The following SETD5 variants were observed in gnomAD, a reference collection of about 807,000 sequenced individuals.
SETD5 encodes SET domain containing 5, also known as histone-lysine N-methyltransferase SETD5.
SETD5 carries 44 observed loss-of-function variants against 153.3 expected under a neutral mutation model. The observed-to-expected ratio is 0.29, with a 90% CI of 0.23 to 0.37. The LOEUF is 0.37. SETD5 is among the 10% of genes least tolerant of loss of function. SETD5 has a pLI of 1.00. For synonymous variants in SETD5, 716 were observed against 645.2 expected, an observed-to-expected ratio of 1.11 and a Z score of -1.66; for missense variants, 1,544 against 1,768.0, an observed-to-expected ratio of 0.87 and a Z score of 2.27.
rs753928269 is a variant in SETD5 at position 9,470,944 on chromosome 3, T to A, written c.3195+15T>A. On this transcript the variant is annotated intron_variant, in intron 19 of 22. Coordinates refer to ENST00000402198, the MANE Select transcript of SETD5 (RefSeq NM_001080517.3). ...AGAGGAAAAAAGTAAGTGTTTCATGTTATATCGGCGAACTTTTCAAGAATG... is the reference window on the plus strand; with the variant it reads ...AGAGGAAAAAAGTAAGTGTTTCATGATATATCGGCGAACTTTTCAAGAATG... The A allele has an allele frequency of 7.1e-7, 1 of 1,408,816 alleles. No individual in the cohort carries two copies. Among genetic ancestry groups the A allele is most frequent in the Admixed American group, 2.3e-5 (1 of 44,182 alleles). 87.3% of individuals were successfully genotyped at this position (1,408,816 alleles called of 1,614,324 possible). A position where few individuals can be genotyped will look rare whatever the true frequency, so the allele number is the denominator to read the frequency against.
In SETD5 at chr3:9,435,350, TTC is replaced by T. The variant is rs554107655; in HGVS notation, c.389-373_389-372del. ...AAGTCCTCTCAAGACCACTGTATAG[TTC>T]TCTCATTGTAAACGAAATGTGTTGA... On this transcript the variant is annotated intron_variant, in intron 6 of 22. Transcript: ENST00000402198. Among the ~76,000 whole-genome samples, 571 of 152,274 alleles carry T rather than the reference TTC, an allele frequency of 3.7e-3. 7 individuals are homozygous for T. Among genetic ancestry groups the T allele is most frequent in the African/African-American group, 0.013 (542 of 41,544 alleles).
At chr3:9,447,575 A>G in intron 14 of SETD5, 111 bp from the exon 15 acceptor site, 2 of 1,253,952 alleles carry the variant, frequency 1.6e-6, no homozygotes, top group South Asian at 1.5e-5. Context: ...AGTGTTTCTA[A>G]TCCTTATATT....
chr3:9,418,905 C>T (rs2037959128), intron 1 of SETD5, among the ~76,000 whole-genome samples: 1 of 151,992 alleles, frequency 6.6e-6, no homozygotes, highest in Non-Finnish European at 1.5e-5. Context: ...TGGCTCACTG[C>T]AACCTCCACC....
At chr3:9,403,922 T>A (rs1233909243) in intron 1 of SETD5, among the ~76,000 whole-genome samples, 1 of 152,222 alleles carries the variant, frequency 6.6e-6, no homozygotes, top group African/African-American at 2.4e-5. Flanking sequence ...GTCAGTTCTT[T>A]TTTTAAAAAT....
intron 16 of SETD5, 123 bp from the exon 17 acceptor site, chr3:9,453,612 ATGCT>A (rs2042881068): frequency 1.2e-6 from 1 of 830,814 alleles, no homozygotes; most frequent in East Asian, 2.9e-5. Flanking sequence ...AGACAATAAA[ATGCT>A]TGACTGTGTA....
rs932157496 is a variant in SETD5 at position 9,447,817 on chromosome 3, A to G, written c.1914A>G (p.Ala638=). The G allele has an allele frequency of 3.7e-6, 6 of 1,613,932 alleles. No homozygotes were observed. The highest frequency in any genetic ancestry group is 5.1e-6 in the Non-Finnish European group (6 of 1,179,906). The part of the protein sequence containing the change: ...QRLKRQKQAN[A]QQAELSQAAL... ...TAAAGCGTCAGAAGCAGGCCAATGC[A>G]CAGCAGGCAGAATTGTCACAAGCTG... The change falls in exon 15 of 23, where the codon GCA becomes GCG. Residue 638 remains alanine, a synonymous_variant. Coordinates refer to ENST00000402198, the MANE Select transcript of SETD5 (RefSeq NM_001080517.3).
At chr3:9,436,672 G>T (rs1384524127) in intron 7 of SETD5, among the ~76,000 whole-genome samples, 1 of 152,264 alleles carries the variant, frequency 6.6e-6, no homozygotes, top group African/African-American at 2.4e-5. Context: ...GAGTTCATTG[G>T]CCTTGAGCTA....
intron 17 of SETD5, among the ~76,000 whole-genome samples, chr3:9,457,800 G>A (rs2043446084): frequency 6.8e-6 from 1 of 147,734 alleles, no homozygotes; most frequent in Non-Finnish European, 1.5e-5. Flanking sequence ...GTTCATTATG[G>A]AAAGAATATA....
In SETD5 at chr3:9,397,742, G is replaced by C. The variant is rs867316707; in HGVS notation, c.-412G>C. The C allele has an allele frequency of 1.8e-5, 3 of 169,046 alleles. No homozygotes were observed. Among genetic ancestry groups the C allele is most frequent in the Admixed American group, 1.3e-4 (2 of 15,384 alleles). 10.5% of individuals were successfully genotyped at this position (169,046 alleles called of 1,614,324 possible). On this transcript the variant is annotated 5_prime_UTR_variant, in exon 1 of 23. Transcript: ENST00000402198. ...GCGCTCAGAGACTCACGCAGCCCCA[G>C]TCCCGCCAGTCCGCCAACACAGTAG...
intron 16 of SETD5, among the ~76,000 whole-genome samples, chr3:9,452,324 TC>T: frequency 6.6e-6 from 1 of 152,234 alleles, no homozygotes; most frequent in East Asian, 1.9e-4. Flanking sequence ...GATTTTTCAC[TC>T]CTGAGCCTAA....
intron 1 of SETD5, among the ~76,000 whole-genome samples, chr3:9,409,468 C>T (rs897318067): frequency 6.6e-6 from 1 of 152,128 alleles, no homozygotes; most frequent in Non-Finnish European, 1.5e-5. Flanking sequence ...CTATTTTTGA[C>T]ATTCAGGTTG....
chr3:9,470,354 C>T, intron 18 of SETD5, 105 bp from the exon 19 acceptor site: 2 of 839,220 alleles, frequency 2.4e-6, no homozygotes, highest in Admixed American at 2.2e-5. Flanking sequence ...ACTTCCGTCC[C>T]TCTTATCTTT....
In SETD5 at chr3:9,434,985, C is replaced by A; in HGVS notation, c.388+103C>A. Reference sequence around the variant, plus strand: ...CTTGGCCAGGCGCAGTGGCTTACGCCTGTAATCTCACCACTTAGGGAGGCC... The same window carrying A: ...CTTGGCCAGGCGCAGTGGCTTACGCATGTAATCTCACCACTTAGGGAGGCC... On this transcript the variant is annotated intron_variant, in intron 6 of 22. Coordinates refer to ENST00000402198, the MANE Select transcript of SETD5 (RefSeq NM_001080517.3). This position sits in a 1 kb window ranked among gnomAD's most constrained non-coding sequence, Gnocchi z 5.6. 7.3e-7 allele frequency: 1 copy of A among 1,362,932 alleles called. No homozygotes were observed. The highest frequency in any genetic ancestry group is 1.0e-6 in the Non-Finnish European group (1 of 1,004,454). 84.4% of individuals were successfully genotyped at this position (1,362,932 alleles called of 1,614,324 possible). A position where few individuals can be genotyped will look rare whatever the true frequency, so the allele number is the denominator to read the frequency against.
intron 18 of SETD5, chr3:9,468,616 G>A (rs1479389709): frequency 1.5e-6 from 2 of 1,299,134 alleles, no homozygotes; most frequent in South Asian, 1.2e-5. Context: ...GAGGCTGAGA[G>A]TGAGTGTTCA....
chr3:9,454,619 T>C (rs1224374694), intron 17 of SETD5, among the ~76,000 whole-genome samples: 1 of 46,000 alleles, frequency 2.2e-5, no homozygotes, highest in African/African-American at 9.0e-5. Flanking sequence ...TGAAACTCCG[T>C]CTCAAAAAAA....
At chr3:9,418,027 G>A (rs1451500248) in intron 1 of SETD5, among the ~76,000 whole-genome samples, 1 of 146,976 alleles carries the variant, frequency 6.8e-6, no homozygotes, top group Non-Finnish European at 1.5e-5. Context: ...TGCAGGCTCC[G>A]CCTCCCGGGT....
In SETD5 at chr3:9,476,038, C is replaced by A; in HGVS notation, c.4276C>A (p.Arg1426=). 6.2e-7 allele frequency: 1 copy of A among 1,613,768 alleles called. No individual in the cohort carries two copies. Among genetic ancestry groups the A allele is most frequent in the Non-Finnish European group, 8.5e-7 (1 of 1,179,860 alleles). ...TGGGAGTGGGGGTGTGCACCAGTAC[C>A]GACTCCAGCCACTGCAAGGGTCAGG... The part of the protein sequence containing the change: ...HRGSGGVHQY[R]LQPLQGSGVK... Residue 1426 remains arginine (R), a synonymous_variant, in exon 23 of 23, where the codon CGA becomes AGA. Coordinates refer to ENST00000402198, the MANE Select transcript of SETD5 (RefSeq NM_001080517.3).
intron 21 of SETD5, 113 bp downstream of exon 21, chr3:9,474,695 C>G (rs557738051): frequency 1.4e-6 from 2 of 1,417,990 alleles, no homozygotes; most frequent in Non-Finnish European, 1.9e-6. Context: ...CAGTTGGGCT[C>G]CACCGCATGC....
At chr3:9,466,095 T>C (rs962278665) in intron 18 of SETD5, among the ~76,000 whole-genome samples, 1 of 152,026 alleles carries the variant, frequency 6.6e-6, no homozygotes, top group Admixed American at 6.5e-5. Flanking sequence ...AAGACCATCC[T>C]GGCTAACGTG....
Sources: allele counts gnomAD v4.1 joint callset (sites outside exome capture counted in the v4.1 genomes callset), GRCh38; gene constraint gnomAD v4.1.1; non-coding constraint Gnocchi (gnomAD v3.1); transcripts MANE v1.5; gene names NCBI Gene and HGNC (gene_info 2026-07-23, HGNC 2026-07-21).